TMEM232: variants seen among roughly 807,000 people sequenced by gnomAD.
The protein encoded by TMEM232 is transmembrane protein 232.
Under a neutral mutation model 78.8 loss-of-function variants are expected in TMEM232, and 80 were observed. That is an observed-to-expected ratio of 1.01 (90% CI 0.85 to 1.22). TMEM232 has a LOEUF of 1.22. Ranked by LOEUF, TMEM232 falls within the 50% of genes most tolerant of loss-of-function variation. The probability of loss-of-function intolerance (pLI) is 0.00; values close to 1 mark genes in which losing one functional copy is unlikely to be tolerated. For missense variants in TMEM232, 881 were observed against 742.2 expected, an observed-to-expected ratio of 1.19 and a Z score of -2.17; for synonymous variants, 297 against 254.3, an observed-to-expected ratio of 1.17 and a Z score of -1.60.
intron 11 of TMEM232, among the ~76,000 whole-genome samples, chr5:110,545,020 T>C (rs191454448): frequency 0.011 from 1,622 of 152,250 alleles, 21 homozygotes; most frequent in Non-Finnish European, 0.014. Context: ...CTGAGCATGA[T>C]TCCTTATCCC....
At chr5:110,597,709 G>A (rs1240415277) in intron 10 of TMEM232, among the ~76,000 whole-genome samples, 13 of 151,502 alleles carry the variant, frequency 8.6e-5, no homozygotes, top group Admixed American at 1.3e-4. Flanking sequence ...AAATAACACC[G>A]CATATCTACA....
chr5:110,632,018 T>C (rs1431023411), intron 5 of TMEM232, among the ~76,000 whole-genome samples: 2 of 151,964 alleles, frequency 1.3e-5, no homozygotes, highest in African/African-American at 2.4e-5. Context: ...CATCCCACTG[T>C]TGCCACCACT....
intron 1 of TMEM232, among the ~76,000 whole-genome samples, chr5:110,713,207 G>T (rs1047067151): frequency 6.6e-5 from 10 of 151,998 alleles, no homozygotes; most frequent in African/African-American, 2.4e-4. Flanking sequence ...CAAAACAGTT[G>T]AACTCATGGA....
In TMEM232 at chr5:110,469,102, T is replaced by C. The variant is rs149285755; in HGVS notation, c.1704-44186A>G. On this transcript the variant is annotated intron_variant, in intron 12 of 13. Coordinates refer to ENST00000455884, the MANE Select transcript of TMEM232 (RefSeq NM_001039763.4). The stretch of plus-strand genomic sequence containing the variant: ...CCACTGGGGTCTTCAGCAATCCTCA[T>C]GAGAATGAAGTCCAGCTAAGGGAGC... Among the ~76,000 whole-genome samples the C allele has an allele frequency of 9.8e-3, 1,490 of 152,188 alleles. 33 individuals are homozygous for C. The highest frequency in any genetic ancestry group is 0.034 in the African/African-American group (1,393 of 41,538).
intron 11 of TMEM232, among the ~76,000 whole-genome samples, chr5:110,566,562 T>C (rs1043629322): frequency 6.6e-6 from 1 of 151,942 alleles, no homozygotes; most frequent in East Asian, 1.9e-4. Context: ...GCCAGTCTCT[T>C]TGCATAGCAA....
intron 12 of TMEM232, among the ~76,000 whole-genome samples, chr5:110,430,789 G>A (rs764820864): frequency 7.9e-5 from 12 of 151,704 alleles, no homozygotes; most frequent in Non-Finnish European, 1.5e-4. Flanking sequence ...ATAGCTTGCA[G>A]CAGATCAATG....
At chr5:110,538,843 ACT>A (rs1158866106) in intron 11 of TMEM232, among the ~76,000 whole-genome samples, 1 of 151,546 alleles carries the variant, frequency 6.6e-6, no homozygotes. Flanking sequence ...GAAGCAAATT[ACT>A]CTGTTTTCAC....
At chr5:110,418,384 A>G (rs1032760970), downstream of TMEM232, among the ~76,000 whole-genome samples, 1 of 152,168 alleles carries the variant, frequency 6.6e-6, no homozygotes, top group Admixed American at 6.5e-5. Context: ...GTGATTCCAG[A>G]TCTACACCCC....
chr5:110,719,142 C>T lies in TMEM232; in HGVS notation c.-13+7485G>A, dbSNP rs1213340967. On this transcript the variant is annotated intron_variant, in intron 1 of 13. Coordinates refer to ENST00000455884, the MANE Select transcript of TMEM232 (RefSeq NM_001039763.4). Reference sequence around the variant, plus strand: ...TATGCAATCATCTTTGACTGAAATACTATGAAGTACATGACTGCGTGTGTG... The same window carrying T: ...TATGCAATCATCTTTGACTGAAATATTATGAAGTACATGACTGCGTGTGTG... 7.2e-5 allele frequency among the ~76,000 whole-genome samples: 11 copies of T among 151,744 alleles called. No individual in the cohort carries two copies. In the South Asian group the frequency reaches 2.3e-3, roughly 31 times the overall value.
chr5:110,589,623 AC>A, intron 10 of TMEM232, among the ~76,000 whole-genome samples: 1 of 152,178 alleles, frequency 6.6e-6, no homozygotes, highest in Middle Eastern at 3.4e-3. Context: ...GGACAAATAA[AC>A]TTTTATTGCC....
chr5:110,736,508 T>G (rs244928), intron 1 of TMEM232, among the ~76,000 whole-genome samples: 1 of 152,196 alleles, frequency 6.6e-6, no homozygotes, highest in Non-Finnish European at 1.5e-5. Flanking sequence ...AAAAGGTAAG[T>G]TCATACTGTA....
Position 110,527,426 on chromosome 5 carries a change from TAATA to T in TMEM232, c.1703+1158_1703+1161del, listed in dbSNP as rs1770760610. On this transcript the variant is annotated intron_variant, in intron 12 of 13. Coordinates refer to ENST00000455884, the MANE Select transcript of TMEM232 (RefSeq NM_001039763.4). The stretch of plus-strand genomic sequence containing the variant: ...ATACCTTAGTCAAGTGAAAAATAAA[TAATA>T]AATACATAAGAAAGTATATATTCAG... Among the ~76,000 whole-genome samples the T allele has an allele frequency of 2.0e-5, 3 of 152,026 alleles. No individual in the cohort carries two copies. The South Asian group carries it at 6.2e-4, about 32-fold the overall frequency.
intron 10 of TMEM232, among the ~76,000 whole-genome samples, chr5:110,589,247 T>C (rs1376073693): frequency 6.6e-6 from 1 of 152,146 alleles, no homozygotes; most frequent in East Asian, 1.9e-4. Flanking sequence ...GCTAAATGTA[T>C]AGGCTAGGTT....
At chr5:110,524,934 T>G (rs1770351190) in intron 12 of TMEM232, among the ~76,000 whole-genome samples, 1 of 152,116 alleles carries the variant, frequency 6.6e-6, no homozygotes, top group South Asian at 2.1e-4. Flanking sequence ...TAATGTCTAT[T>G]TTATCTAATG....
chr5:110,442,628 CTTA>C (rs923748806), intron 12 of TMEM232, among the ~76,000 whole-genome samples: 1 of 151,900 alleles, frequency 6.6e-6, no homozygotes, highest in Non-Finnish European at 1.5e-5. Flanking sequence ...TCCTTGGTAA[CTTA>C]TTTAGTTTGT....
At chr5:110,690,921 C>A (rs1164408086) in intron 1 of TMEM232, among the ~76,000 whole-genome samples, 1 of 149,614 alleles carries the variant, frequency 6.7e-6, no homozygotes, top group South Asian at 2.1e-4. Context: ...GGGAGTTGAA[C>A]AATGAGAACA....
intron 3 of TMEM232, among the ~76,000 whole-genome samples, chr5:110,393,743 G>C (rs1755285379): frequency 6.6e-6 from 1 of 151,958 alleles, no homozygotes; most frequent in Non-Finnish European, 1.5e-5. Flanking sequence ...GATCACCTGA[G>C]GTCAGGAGTT....
intron 12 of TMEM232, among the ~76,000 whole-genome samples, chr5:110,435,342 A>AT (rs1758305159): frequency 6.6e-6 from 1 of 151,642 alleles, no homozygotes; most frequent in African/African-American, 2.4e-5. Context: ...TTAAATTTTT[A>AT]TTTTTTGTGG....
At chr5:110,417,612 CTTTTTCTTTTTTTT>C (rs1756277081), downstream of TMEM232, 2 of 118,700 alleles carry the variant, frequency 1.7e-5, no homozygotes, top group African/African-American at 6.7e-5. Context: ...AAACTTTTTT[CTTTTTCTTTTTTTT>C]TTTTTTTTTT....
Sources: gnomAD v4.1 joint callset for allele counts (sites outside exome capture counted in the v4.1 genomes callset) on GRCh38, gnomAD v4.1.1 for gene constraint, MANE v1.5 for transcripts, NCBI Gene and HGNC (gene_info 2026-07-23, HGNC 2026-07-21) for gene names.